The following ACE variants were observed in gnomAD, a reference collection of about 807,000 sequenced individuals.
ACE encodes angiotensin I converting enzyme.
ACE carries 122 observed loss-of-function variants against 162.3 expected under a neutral mutation model. The observed-to-expected ratio is 0.75, with a 90% confidence interval of 0.65 to 0.87. ACE has a LOEUF of 0.87. Ranked by LOEUF, ACE falls within the 40% of genes least tolerant of loss-of-function variation. ACE has a pLI of 0.00. For missense variants in ACE, 1,799 were observed against 1,735.1 expected (o/e 1.04, Z -0.65); for synonymous variants, 796 against 720.6 (o/e 1.10, Z -1.68).
intron 4 of ACE, 76 bp downstream of exon 4, chr17:63,479,988 AG>A (rs1438815411): frequency 1.3e-6 from 2 of 1,539,496 alleles, no homozygotes; most frequent in Admixed American, 1.9e-5. Context: ...CCCAGCCCAG[AG>A]TCAGGCAGAG....
In ACE at chr17:63,491,069, G is replaced by A; in HGVS notation, c.2739+18G>A. 1 of 1,613,966 alleles carries A rather than the reference G, an allele frequency of 6.2e-7. No individual in the cohort carries two copies. Among genetic ancestry groups the A allele is most frequent in the South Asian group, 1.1e-5 (1 of 91,066 alleles). On this transcript the variant is annotated intron_variant, in intron 18 of 24. Transcript: ENST00000290866. This position sits in a 1 kb window ranked among gnomAD's most constrained non-coding sequence, Gnocchi z 4.4. ...TAAAGCAGGTCCGCACCAGCCCAGGGGCAGGGAGGCCCCGCCGGGATGGGA... is the reference window on the plus strand; with the variant it reads ...TAAAGCAGGTCCGCACCAGCCCAGGAGCAGGGAGGCCCCGCCGGGATGGGA...
At chr17:63,485,592 A>C in intron 13 of ACE, 1 of 587,742 alleles carries the variant, frequency 1.7e-6, no homozygotes, top group Non-Finnish European at 3.1e-6. Context: ...CCTGGCTAAC[A>C]CGGTGAAACC....
At position 63,491,075 on chromosome 17, in the gene ACE, G is replaced by A; in HGVS notation, c.2739+24G>A. The A allele has an allele frequency of 5.0e-6, 8 of 1,613,546 alleles. No individual in the cohort carries two copies. The highest frequency in any genetic ancestry group is 6.8e-6 in the Non-Finnish European group (8 of 1,179,518). On this transcript the variant is annotated intron_variant, in intron 18 of 24. Coordinates refer to ENST00000290866, the MANE Select transcript of ACE (RefSeq NM_000789.4). The surrounding 1 kb of genome is among the most constrained non-coding windows in gnomAD (Gnocchi z 4.4). ...AGGTCCGCACCAGCCCAGGGGCAGG[G>A]AGGCCCCGCCGGGATGGGAGGGACC...
chr17:63,477,351 CCCGGGCCCGGG>C lies in ACE; in HGVS notation c.249+10_249+20del. The stretch of plus-strand genomic sequence containing the variant: ...GAGAATGCAAGGCGCCAGGTGGGCG[CCCGGGCCCGGG>C]CGGGGGCGGGGCGGGGCCGCGGCGG... On this transcript the variant is annotated intron_variant, in intron 1 of 24. Coordinates refer to ENST00000290866, the MANE Select transcript of ACE (RefSeq NM_000789.4). The C allele has an allele frequency of 7.9e-7, 1 of 1,262,262 alleles. No homozygotes were observed. Among genetic ancestry groups the C allele is most frequent in the Non-Finnish European group, 1.0e-6 (1 of 995,300 alleles). 78.2% of individuals were successfully genotyped at this position (1,262,262 alleles called of 1,614,324 possible). A position where few individuals can be genotyped will look rare whatever the true frequency, so the allele number is the denominator to read the frequency against.
intron 12 of ACE, 79 bp from the exon 13 acceptor site, chr17:63,485,157 G>T: frequency 6.2e-7 from 1 of 1,605,348 alleles, no homozygotes; most frequent in South Asian, 1.1e-5. Context: ...GTGCGAGAGG[G>T]ATAATGGCTT....
In ACE at chr17:63,484,971, T is replaced by C; in HGVS notation, c.1922-265T>C. 6.2e-7 allele frequency: 1 copy of C among 1,606,752 alleles called. No homozygotes were observed. ...CCCAGCCAGGAGGCATCCCAACAGG[T>C]GACAGTCACCCATGGGACAAGCAGC... On this transcript the variant is annotated intron_variant, in intron 12 of 24. Transcript: ENST00000290866. This position sits in a 1 kb window ranked among gnomAD's most constrained non-coding sequence, Gnocchi z 4.0.
At position 63,483,567 on chromosome 17, in the gene ACE, G is replaced by GCGGGGGGGGGGCCCCCC; in HGVS notation, c.1586+10_1586+11insGGGGGGGGGGCCCCCCC. The GCGGGGGGGGGGCCCCCC allele has an allele frequency of 1.3e-6, 2 of 1,589,504 alleles. No individual in the cohort carries two copies. Among genetic ancestry groups the GCGGGGGGGGGGCCCCCC allele is most frequent in the Non-Finnish European group, 8.6e-7 (1 of 1,165,632 alleles). On this transcript the variant is annotated intron_variant, in intron 10 of 24. Coordinates refer to ENST00000290866, the MANE Select transcript of ACE (RefSeq NM_000789.4). ...GTGACACCATACATCAGGTATTAGC[G>GCGGGGGGGGGGCCCCCC]CCCCCACCCCACCCACCCCCAGTAC... is the stretch of plus-strand genomic sequence containing the variant.
Position 63,481,811 on chromosome 17 carries a change from G to T in ACE, c.1118+73G>T, listed in dbSNP as rs561852241. On this transcript the variant is annotated intron_variant, in intron 7 of 24. Transcript: ENST00000290866. ...CCGGGGAAAGGCAGGCAGCCCAGGC[G>T]CAGGGAAGCTGGTTCCCAGGCCTGC... 2.3e-5 allele frequency: 37 copies of T among 1,599,408 alleles called. No individual in the cohort carries two copies. The South Asian group carries it at 3.3e-4, about 14-fold the overall frequency.
At position 63,478,044 on chromosome 17, in the gene ACE, C is replaced by T. The variant is rs1461349779; in HGVS notation, c.363C>T (p.Ile121=). Residue 121 remains isoleucine (I), a synonymous_variant, in exon 2 of 25, where the codon ATC becomes ATT. Transcript: ENST00000290866. Reference sequence around the variant, plus strand: ...CGGACCCGCAGCTGCGCAGGATCATCGGAGCTGTGCGCACCCTGGGCTCTG... The same window carrying T: ...CGGACCCGCAGCTGCGCAGGATCATTGGAGCTGTGCGCACCCTGGGCTCTG... The part of the protein sequence containing the change: ...NFTDPQLRRI[I]GAVRTLGSAN... The T allele has an allele frequency of 6.2e-7, 1 of 1,603,888 alleles. No individual in the cohort carries two copies. The highest frequency in any genetic ancestry group is 1.1e-5 in the South Asian group (1 of 89,216).
At chr17:63,490,688 TC>T (rs2030310607) in intron 17 of ACE, 2 of 504,954 alleles carry the variant, frequency 4.0e-6, no homozygotes, top group Admixed American at 6.2e-5. Context: ...GTCACATTGG[TC>T]TCCACTGCTC....
In ACE at chr17:63,481,709, T is replaced by C. The variant is rs756273416; in HGVS notation, c.1089T>C (p.Ala363=). The change falls in exon 7 of 25, where the codon GCT becomes GCC. Residue 363 remains alanine (A), a synonymous_variant. Coordinates refer to ENST00000290866, the MANE Select transcript of ACE (RefSeq NM_000789.4). ...GGGAAGTGGTGTGCCACGCCTCGGC[T>C]TGGGACTTCTACAACAGGAAAGACT... The part of the protein sequence containing the change: ...DGREVVCHAS[A]WDFYNRKDFR... The C allele has an allele frequency of 2.5e-6, 4 of 1,614,112 alleles. 1 individual carries two copies. In the South Asian group the frequency reaches 4.4e-5, roughly 18 times the overall value.
At chr17:63,488,536 T>G in intron 15 of ACE, 112 bp from the exon 16 acceptor site, 2 of 1,151,250 alleles carry the variant, frequency 1.7e-6, no homozygotes, top group Non-Finnish European at 2.6e-6. Flanking sequence ...GCCTATACAG[T>G]CACTTTTATG....
chr17:63,494,660 A>C (rs2030621293), intron 22 of ACE, among the ~76,000 whole-genome samples, 190 bp downstream of exon 22: 1 of 152,212 alleles, frequency 6.6e-6, no homozygotes, highest in African/African-American at 2.4e-5. Context: ...CATTCTTTTG[A>C]TGAGAGTCTG....
chr17:63,481,297 C>T (rs969417052), intron 6 of ACE, 109 bp downstream of exon 6: 4 of 1,070,618 alleles, frequency 3.7e-6, no homozygotes, highest in Non-Finnish European at 5.6e-6. Context: ...TGAGCAGCAG[C>T]CTGGTGTGTC....
At chr17:63,487,454 C>A (rs558247849) in intron 15 of ACE, among the ~76,000 whole-genome samples, 1 of 152,144 alleles carries the variant, frequency 6.6e-6, no homozygotes, top group East Asian at 1.9e-4. Flanking sequence ...CTGCCCTTGA[C>A]TTCCTCACCT....
In ACE at chr17:63,486,544, C is replaced by G; in HGVS notation, c.2059-13C>G. The G allele has an allele frequency of 1.9e-6, 3 of 1,613,986 alleles. No homozygotes were observed. Among genetic ancestry groups the G allele is most frequent in the Non-Finnish European group, 1.7e-6 (2 of 1,179,918 alleles). On this transcript the variant is annotated splice_polypyrimidine_tract_variant and intron_variant, in intron 13 of 24. Coordinates refer to ENST00000290866, the MANE Select transcript of ACE (RefSeq NM_000789.4). ...CTCCTGGGCCCTGTGACACCATCCCCCTGTGCCCTCAGCTGCAGAAGAACA... is the reference window on the plus strand; with the variant it reads ...CTCCTGGGCCCTGTGACACCATCCCGCTGTGCCCTCAGCTGCAGAAGAACA...
chr17:63,497,124 G>T lies in ACE; in HGVS notation c.3692-13G>T. The stretch of plus-strand genomic sequence containing the variant: ...CCTGCCCTGCCCATGCTGTCTCCTT[G>T]CTTCCCGCTCAGCTCGCTCAGAAGG... On this transcript the variant is annotated splice_polypyrimidine_tract_variant and intron_variant, in intron 24 of 24. Coordinates refer to ENST00000290866, the MANE Select transcript of ACE (RefSeq NM_000789.4). The T allele has an allele frequency of 6.2e-7, 1 of 1,601,644 alleles. No individual in the cohort carries two copies.
In ACE at chr17:63,477,077, A is replaced by C. The variant is rs929074260; in HGVS notation, c.-18A>C. ...CGGCGCAGGAGAAGGGGCAGAGCCG[A>C]GCACCGCGCACCGCGTCATGGGGGC... On this transcript the variant is annotated 5_prime_UTR_variant, in exon 1 of 25. Transcript: ENST00000290866. 3.1e-6 allele frequency: 4 copies of C among 1,295,174 alleles called. No individual in the cohort carries two copies. In the African/African-American group the frequency reaches 6.3e-5, roughly 21 times the overall value. The allele number at this position is 1,295,174 out of a possible 1,614,324, so 80.2% of individuals were successfully genotyped here.
intron 7 of ACE, 71 bp from the exon 8 acceptor site, chr17:63,482,395 C>T: frequency 7.1e-7 from 1 of 1,417,296 alleles, no homozygotes. Flanking sequence ...AGGTGCCAAT[C>T]TGCCCTGTGC....
Sources: gnomAD v4.1 joint callset for allele counts (sites outside exome capture counted in the v4.1 genomes callset) on GRCh38, gnomAD v4.1.1 for gene constraint, Gnocchi (gnomAD v3.1) non-coding constraint, MANE v1.5 for transcripts, NCBI Gene and HGNC (gene_info 2026-07-23, HGNC 2026-07-21) for gene names.